The following BBOX1 variants were observed in gnomAD, a reference collection of about 807,000 sequenced individuals.
BBOX1 encodes the protein gamma-butyrobetaine dioxygenase.
Under a neutral mutation model 41.6 loss-of-function variants are expected in BBOX1, and 35 were observed. The ratio of observed to expected loss-of-function variants is 0.84; its 90% CI spans 0.64 to 1.11. The LOEUF (loss-of-function observed/expected upper bound fraction) is 1.11, where lower values mean the gene tolerates loss of function less well. BBOX1 is among the 50% of genes most tolerant of loss of function. The probability of loss-of-function intolerance (pLI) is 0.00; values close to 1 mark genes in which losing one functional copy is unlikely to be tolerated. For synonymous variants in BBOX1, 163 were observed against 154.7 expected (o/e 1.05, Z -0.40); for missense variants, 458 against 460.6 (o/e 0.99, Z 0.05).
At chr11:27,090,912 C>A (rs535866234) in intron 4 of BBOX1, among the ~76,000 whole-genome samples, 3 of 152,044 alleles carry the variant, frequency 2.0e-5, no homozygotes, top group South Asian at 2.1e-4. Flanking sequence ...TATAGGCTCT[C>A]TGCAAGAAGA....
intron 4 of BBOX1, among the ~76,000 whole-genome samples, chr11:27,071,105 T>C (rs537710304): frequency 1.5e-3 from 235 of 152,254 alleles, no homozygotes; most frequent in Non-Finnish European, 2.4e-3. Flanking sequence ...TCAGGTGCGG[T>C]GGCTCATGCC....
intron 3 of BBOX1, among the ~76,000 whole-genome samples, chr11:27,056,838 C>T (rs1257176694): frequency 4.6e-5 from 7 of 151,458 alleles, no homozygotes; most frequent in East Asian, 2.0e-4. Flanking sequence ...GAGGCTGAGG[C>T]GGGCGCATCA....
chr11:27,061,631 G>A (rs1857135906), intron 4 of BBOX1, among the ~76,000 whole-genome samples: 1 of 152,138 alleles, frequency 6.6e-6, no homozygotes, highest in Admixed American at 6.5e-5. Flanking sequence ...TTTCTCTTCT[G>A]CAAGCATAAC....
intron 2 of BBOX1, among the ~76,000 whole-genome samples, chr11:27,045,657 C>T (rs10767595): frequency 1.8e-4 from 28 of 151,994 alleles, no homozygotes; most frequent in African/African-American, 5.5e-4. Context: ...TGAATTTTAT[C>T]GAAGCATCAT....
At chr11:27,085,076 T>C (rs548390035) in intron 4 of BBOX1, among the ~76,000 whole-genome samples, 8 of 152,310 alleles carry the variant, frequency 5.3e-5, no homozygotes, top group South Asian at 2.1e-4. Flanking sequence ...TGGATAGTCA[T>C]GTTTTACAGT....
chr11:27,101,332 C>T (rs566767208), intron 5 of BBOX1, among the ~76,000 whole-genome samples: 1 of 152,134 alleles, frequency 6.6e-6, no homozygotes, highest in South Asian at 2.1e-4. Context: ...GGGAAAATGG[C>T]AATTAATACA....
At chr11:27,084,527 C>T (rs1857965636) in intron 4 of BBOX1, among the ~76,000 whole-genome samples, 2 of 152,064 alleles carry the variant, frequency 1.3e-5, no homozygotes, top group African/African-American at 4.8e-5. Flanking sequence ...GCTGCCTTTC[C>T]TCTAGGACAG....
chr11:27,099,609 C>A (rs541178510), intron 5 of BBOX1, among the ~76,000 whole-genome samples: 1 of 152,066 alleles, frequency 6.6e-6, no homozygotes, highest in South Asian at 2.1e-4. Flanking sequence ...CCCAGTGCCC[C>A]CCAGCATCTG....
chr11:27,069,049 T>C (rs550295757), intron 4 of BBOX1, among the ~76,000 whole-genome samples: 130 of 152,212 alleles, frequency 8.5e-4, no homozygotes, highest in Non-Finnish European at 1.5e-3. Flanking sequence ...GCTTTGGCTA[T>C]TTGGGCTCTT....
intron 4 of BBOX1, among the ~76,000 whole-genome samples, chr11:27,082,263 C>G (rs544370444): frequency 6.6e-6 from 1 of 152,144 alleles, no homozygotes; most frequent in African/African-American, 2.4e-5. Flanking sequence ...CTGGAGCACA[C>G]AGAATTAGGG....
At chr11:27,094,794 G>A (rs752221471) in intron 5 of BBOX1, among the ~76,000 whole-genome samples, 4 of 151,854 alleles carry the variant, frequency 2.6e-5, no homozygotes, top group South Asian at 2.1e-4. Flanking sequence ...CTCTGACTCC[G>A]AAACTTACAT....
intron 2 of BBOX1, among the ~76,000 whole-genome samples, chr11:27,045,719 T>G (rs1371374865): frequency 1.3e-5 from 2 of 152,182 alleles, no homozygotes; most frequent in African/African-American, 4.8e-5. Flanking sequence ...TTTGCTAACA[T>G]AGGTCTATGC....
chr11:27,061,302 G>A (rs1226124591), intron 4 of BBOX1, among the ~76,000 whole-genome samples: 1 of 152,054 alleles, frequency 6.6e-6, no homozygotes, highest in Non-Finnish European at 1.5e-5. Flanking sequence ...ATTAAGTAGT[G>A]GAAAAAACTG....
At chr11:27,045,462 C>T (rs1210973915) in intron 2 of BBOX1, among the ~76,000 whole-genome samples, 2 of 152,156 alleles carry the variant, frequency 1.3e-5, no homozygotes, top group African/African-American at 4.8e-5. Flanking sequence ...ACTTCCAATA[C>T]TATGTTGAAT....
At chr11:27,092,761 A>C (rs970448352) in intron 4 of BBOX1, among the ~76,000 whole-genome samples, 1 of 151,604 alleles carries the variant, frequency 6.6e-6, no homozygotes, top group African/African-American at 2.4e-5. Flanking sequence ...TGCTGTTCTA[A>C]TCTACCATTT....
chr11:27,088,303 C>T (rs763044713), intron 4 of BBOX1, among the ~76,000 whole-genome samples: 1 of 151,990 alleles, frequency 6.6e-6, no homozygotes, highest in African/African-American at 2.4e-5. Context: ...CACATGGTCA[C>T]TGAAACTCTC....
chr11:27,125,386 T>G (rs1202501660), intron 7 of BBOX1, among the ~76,000 whole-genome samples: 4 of 152,052 alleles, frequency 2.6e-5, no homozygotes, highest in Non-Finnish European at 4.4e-5. Flanking sequence ...ATAACAAAAT[T>G]TTTAACTTGA....
intron 6 of BBOX1, among the ~76,000 whole-genome samples, chr11:27,117,149 G>A (rs1365580193): frequency 1.3e-5 from 2 of 151,904 alleles, no homozygotes; most frequent in African/African-American, 4.8e-5. Context: ...AGCTAAATTA[G>A]ACTATGTGAA....
At chr11:27,124,727 G>T (rs527328800) in intron 7 of BBOX1, among the ~76,000 whole-genome samples, 175 of 152,126 alleles carry the variant, frequency 1.2e-3, no homozygotes, top group African/African-American at 3.9e-3. Flanking sequence ...TTGCCATGTT[G>T]GCCAGGCTGT....
Sources: allele counts gnomAD v4.1 joint callset (sites outside exome capture counted in the v4.1 genomes callset), GRCh38; gene constraint gnomAD v4.1.1; transcripts MANE v1.5; gene names NCBI Gene and HGNC (gene_info 2026-07-23, HGNC 2026-07-21).